RAP1GDS1: variants seen among roughly 807,000 people sequenced by gnomAD.
RAP1GDS1 encodes Rap1 GTPase-GDP dissociation stimulator 1.
A neutral mutation model predicts 71.1 loss-of-function variants in RAP1GDS1; 35 were observed. The observed-to-expected ratio is 0.49, with a 90% CI of 0.38 to 0.65. The LOEUF (loss-of-function observed/expected upper bound fraction) is 0.65, where lower values mean the gene tolerates loss of function less well. RAP1GDS1 is among the 30% of genes least tolerant of loss of function. The pLI, the probability that RAP1GDS1 is intolerant of heterozygous loss-of-function variation, is 0.00. For missense variants in RAP1GDS1, 663 were observed against 706.1 expected (o/e 0.94, Z 0.69); for synonymous variants, 229 against 243.1 (o/e 0.94, Z 0.54).
At chr4:98,407,151 A>C (rs1454390479) in intron 7 of RAP1GDS1, among the ~76,000 whole-genome samples, 1 of 152,110 alleles carries the variant, frequency 6.6e-6, no homozygotes, top group Admixed American at 6.5e-5. Context: ...GAATATGCTC[A>C]TAGTAGTCTC....
intron 2 of RAP1GDS1, among the ~76,000 whole-genome samples, chr4:98,325,674 A>G (rs943750721): frequency 4.7e-5 from 7 of 150,252 alleles, no homozygotes; most frequent in Admixed American, 2.7e-4. Context: ...TCGCAAGAAC[A>G]AAAAACCAAA....
chr4:98,281,593 C>T (rs1578288602), intron 1 of RAP1GDS1, among the ~76,000 whole-genome samples: 1 of 152,060 alleles, frequency 6.6e-6, no homozygotes, highest in Non-Finnish European at 1.5e-5. Flanking sequence ...AATTGAATAC[C>T]CTTTATTTCT....
At chr4:98,278,734 TG>T (rs576108924) in intron 1 of RAP1GDS1, among the ~76,000 whole-genome samples, 2 of 152,070 alleles carry the variant, frequency 1.3e-5, no homozygotes, top group Admixed American at 6.6e-5. Context: ...ATGAAGGAAA[TG>T]GGGGGCCTAT....
chr4:98,397,293 C>T (rs563965645), intron 6 of RAP1GDS1, among the ~76,000 whole-genome samples: 1 of 151,994 alleles, frequency 6.6e-6, no homozygotes, highest in Non-Finnish European at 1.5e-5. Context: ...ATGGAATAAA[C>T]AGAATGAGAC....
At chr4:98,270,509 G>C (rs975111311) in intron 1 of RAP1GDS1, among the ~76,000 whole-genome samples, 2 of 152,160 alleles carry the variant, frequency 1.3e-5, no homozygotes, top group African/African-American at 4.8e-5. Flanking sequence ...AGCTGGCTAA[G>C]ATATGGATGC....
chr4:98,376,966 A>G (rs1327623065), intron 4 of RAP1GDS1, among the ~76,000 whole-genome samples: 1 of 151,916 alleles, frequency 6.6e-6, no homozygotes, highest in East Asian at 1.9e-4. Context: ...TTGTATTTTA[A>G]TTTATTGAAT....
At chr4:98,305,254 T>C (rs1729156211) in intron 2 of RAP1GDS1, among the ~76,000 whole-genome samples, 1 of 152,152 alleles carries the variant, frequency 6.6e-6, no homozygotes. Context: ...TATAAATTAC[T>C]TTGGGCAGTA....
At chr4:98,297,900 T>A (rs1473952523) in intron 2 of RAP1GDS1, among the ~76,000 whole-genome samples, 1 of 152,196 alleles carries the variant, frequency 6.6e-6, no homozygotes, top group Non-Finnish European at 1.5e-5. Context: ...CTAGGCTTCT[T>A]GAGCCAGTTA....
chr4:98,354,528 G>C (rs183676880), intron 4 of RAP1GDS1, among the ~76,000 whole-genome samples: 1 of 152,174 alleles, frequency 6.6e-6, no homozygotes, highest in East Asian at 1.9e-4. Context: ...TGGTTTTTAT[G>C]GGCATAGAGT....
chr4:98,395,784 T>G (rs1420111426), intron 6 of RAP1GDS1, among the ~76,000 whole-genome samples: 5 of 152,172 alleles, frequency 3.3e-5, no homozygotes, highest in Non-Finnish European at 7.3e-5. Flanking sequence ...CCACATATTA[T>G]TAAATGAATA....
intron 1 of RAP1GDS1, among the ~76,000 whole-genome samples, chr4:98,267,972 A>G (rs1017779011): frequency 6.6e-6 from 1 of 152,206 alleles, no homozygotes; most frequent in East Asian, 1.9e-4. Flanking sequence ...TAACAGTGTA[A>G]AAACATTCTC....
chr4:98,354,668 A>G (rs917118934), intron 4 of RAP1GDS1, among the ~76,000 whole-genome samples: 4 of 152,120 alleles, frequency 2.6e-5, no homozygotes, highest in African/African-American at 9.7e-5. Flanking sequence ...ATCTTATGGG[A>G]TATACAATAT....
intron 14 of RAP1GDS1, chr4:98,441,735 C>T (rs1315585098): frequency 1.6e-6 from 1 of 617,550 alleles, no homozygotes; most frequent in African/African-American, 2.0e-5. Context: ...CCACTGTACT[C>T]AAACCTGGGC....
At chr4:98,414,664 T>C (rs1281851159) in intron 7 of RAP1GDS1, among the ~76,000 whole-genome samples, 20 of 150,678 alleles carry the variant, frequency 1.3e-4, no homozygotes, top group Non-Finnish European at 2.5e-4. Flanking sequence ...CCTCCAGCTT[T>C]GTTCTTTTGG....
intron 7 of RAP1GDS1, among the ~76,000 whole-genome samples, chr4:98,405,197 T>G (rs1341189589): frequency 6.6e-6 from 1 of 152,112 alleles, no homozygotes; most frequent in East Asian, 1.9e-4. Flanking sequence ...GCTTATTGTG[T>G]TCAAAGAGGT....
At chr4:98,336,059 C>G (rs1303000391) in intron 2 of RAP1GDS1, among the ~76,000 whole-genome samples, 2 of 152,034 alleles carry the variant, frequency 1.3e-5, no homozygotes, top group East Asian at 3.9e-4. Flanking sequence ...CATATTTTCC[C>G]CCAGGGTATC....
At chr4:98,283,126 TGAA>T (rs2110257404) in intron 1 of RAP1GDS1, among the ~76,000 whole-genome samples, 1 of 152,332 alleles carries the variant, frequency 6.6e-6, no homozygotes, top group Admixed American at 6.5e-5. Flanking sequence ...TTCTGAAAAT[TGAA>T]GATTCTTCAA....
At chr4:98,282,573 T>C (rs1484482358) in intron 1 of RAP1GDS1, among the ~76,000 whole-genome samples, 2 of 142,590 alleles carry the variant, frequency 1.4e-5, no homozygotes, top group Admixed American at 1.4e-4. Context: ...CCTGGATTCA[T>C]TGATTTTTTT....
At chr4:98,282,094 G>A (rs1260339500) in intron 1 of RAP1GDS1, among the ~76,000 whole-genome samples, 3 of 152,138 alleles carry the variant, frequency 2.0e-5, no homozygotes, top group Non-Finnish European at 4.4e-5. Context: ...TCTCTGTCAG[G>A]CTTTGGTATC....
Sources: allele counts gnomAD v4.1 joint callset (sites outside exome capture counted in the v4.1 genomes callset), GRCh38; gene constraint gnomAD v4.1.1; transcripts MANE v1.5; gene names NCBI Gene and HGNC (gene_info 2026-07-23, HGNC 2026-07-21).